The following ATP2C1 variants were observed in gnomAD, a reference collection of about 807,000 sequenced individuals.
ATP2C1 encodes the protein ATPase secretory pathway Ca2+ transporting 1.
A neutral mutation model predicts 120.5 loss-of-function variants in ATP2C1; 31 were observed. The observed-to-expected ratio is 0.26, with a 90% CI of 0.19 to 0.35. The LOEUF is 0.35. Ranked by LOEUF, ATP2C1 falls within the 10% of genes least tolerant of loss-of-function variation. The probability of loss-of-function intolerance (pLI) is 1.00; values close to 1 mark genes in which losing one functional copy is unlikely to be tolerated. For missense variants in ATP2C1, 731 were observed against 1,107.5 expected (o/e 0.66, Z 4.83); for synonymous variants, 351 against 358.7 (o/e 0.98, Z 0.24).
chr3:130,895,195 T>C (rs2069494477), intron 2 of ATP2C1, among the ~76,000 whole-genome samples: 1 of 152,178 alleles, frequency 6.6e-6, no homozygotes, highest in Non-Finnish European at 1.5e-5. Context: ...AGGATTCATT[T>C]ATAAGAAAGC....
intron 8 of ATP2C1, among the ~76,000 whole-genome samples, chr3:130,944,831 A>G (rs1559956743): frequency 6.6e-6 from 1 of 152,228 alleles, no homozygotes; most frequent in East Asian, 1.9e-4. Flanking sequence ...AGATCCACAG[A>G]GAGCAAAATC....
intron 6 of ATP2C1, 67 bp from the exon 7 acceptor site, chr3:130,940,560 AGAT>A (rs2059847726): frequency 1.0e-6 from 1 of 996,730 alleles, no homozygotes; most frequent in Non-Finnish European, 1.6e-6. Flanking sequence ...ATAATGATTG[AGAT>A]TAATAAGTCT....
intron 1 of ATP2C1, among the ~76,000 whole-genome samples, chr3:130,856,580 A>C (rs1007518455): frequency 2.0e-5 from 3 of 152,252 alleles, no homozygotes; most frequent in Non-Finnish European, 2.9e-5. Context: ...ATGAAATGCT[A>C]TCCATTGTCA....
intron 8 of ATP2C1, among the ~76,000 whole-genome samples, chr3:130,952,691 G>C (rs890674083): frequency 1.3e-5 from 2 of 152,178 alleles, no homozygotes; most frequent in Non-Finnish European, 2.9e-5. Flanking sequence ...TTGGGTGAAT[G>C]AATGAGCCTG....
intron 5 of ATP2C1, among the ~76,000 whole-genome samples, chr3:130,936,502 T>A (rs1441813401): frequency 6.6e-6 from 1 of 152,116 alleles, no homozygotes; most frequent in Non-Finnish European, 1.5e-5. Flanking sequence ...CACAATCATC[T>A]GAAAAAGCTG....
At chr3:130,958,146 G>A (rs1030656043) in intron 11 of ATP2C1, among the ~76,000 whole-genome samples, 2 of 151,878 alleles carry the variant, frequency 1.3e-5, no homozygotes, top group African/African-American at 4.8e-5. Context: ...TCAACTTTAC[G>A]ATCTCTGGTT....
intron 2 of ATP2C1, among the ~76,000 whole-genome samples, chr3:130,926,225 C>G (rs529434339): frequency 1.4e-4 from 22 of 152,262 alleles, no homozygotes; most frequent in African/African-American, 5.3e-4. Context: ...ACATGTTGCT[C>G]TGTCTGTCAG....
intron 2 of ATP2C1, among the ~76,000 whole-genome samples, chr3:130,921,976 A>G (rs1011464517): frequency 6.6e-6 from 1 of 152,158 alleles, no homozygotes; most frequent in East Asian, 1.9e-4. Flanking sequence ...TACTGGCTTC[A>G]TAGAATGATT....
intron 2 of ATP2C1, among the ~76,000 whole-genome samples, chr3:130,898,288 G>C (rs1428419937): frequency 2.0e-5 from 3 of 152,126 alleles, no homozygotes; most frequent in Non-Finnish European, 4.4e-5. Flanking sequence ...GAAAATGGTT[G>C]TATTTACACT....
chr3:130,952,408 A>G (rs1048093405), intron 8 of ATP2C1, among the ~76,000 whole-genome samples: 2 of 152,184 alleles, frequency 1.3e-5, no homozygotes, highest in Admixed American at 1.3e-4. Context: ...AATTTTTAAT[A>G]ATCATTTTAC....
intron 2 of ATP2C1, among the ~76,000 whole-genome samples, chr3:130,913,273 AAAG>A (rs2058529097): frequency 6.6e-6 from 1 of 152,006 alleles, no homozygotes; most frequent in Non-Finnish European, 1.5e-5. Flanking sequence ...TAAAAAAAAA[AAAG>A]AATTTTGTTT....
At chr3:130,943,963 T>C (rs2060029681) in intron 8 of ATP2C1, among the ~76,000 whole-genome samples, 1 of 152,194 alleles carries the variant, frequency 6.6e-6, no homozygotes, top group African/African-American at 2.4e-5. Flanking sequence ...TGGTGATCTT[T>C]GGATAATTTT....
At chr3:130,973,936 G>A (rs1414401474) in intron 17 of ATP2C1, among the ~76,000 whole-genome samples, 1 of 152,064 alleles carries the variant, frequency 6.6e-6, no homozygotes, top group Non-Finnish European at 1.5e-5. Context: ...AAAAAGAAAA[G>A]GGAGACTTAA....
At chr3:130,907,100 A>T (rs2058163208) in intron 2 of ATP2C1, among the ~76,000 whole-genome samples, 1 of 151,988 alleles carries the variant, frequency 6.6e-6, no homozygotes, top group African/African-American at 2.4e-5. Flanking sequence ...ACACACACAC[A>T]CATACGTTTA....
chr3:130,996,902 C>T (rs889726739), intron 24 of ATP2C1, 106 bp downstream of exon 24: 1 of 831,530 alleles, frequency 1.2e-6, no homozygotes. Flanking sequence ...AACTTTGCAG[C>T]AAATGTTTTA....
chr3:131,001,607 T>G lies in ATP2C1; in HGVS notation c.*257T>G. ...TTTATAAAGCATATGGTCAGTTATT[T>G]AATTAAAAAGGCAAAACCTGAACCA... On this transcript the variant is annotated 3_prime_UTR_variant, in exon 28 of 28. Transcript: ENST00000510168. 1 of 1,138,230 alleles carries G rather than the reference T, an allele frequency of 8.8e-7. No individual in the cohort carries two copies. The highest frequency in any genetic ancestry group is 1.1e-6 in the Non-Finnish European group (1 of 922,832). 70.5% of individuals were successfully genotyped at this position (1,138,230 alleles called of 1,614,324 possible).
At chr3:130,912,894 A>G (rs1429669077) in intron 2 of ATP2C1, among the ~76,000 whole-genome samples, 2 of 152,210 alleles carry the variant, frequency 1.3e-5, no homozygotes, top group African/African-American at 4.8e-5. Context: ...AAAATGTGGC[A>G]CATATACACC....
At chr3:130,948,413 T>G (rs1328395592) in intron 8 of ATP2C1, among the ~76,000 whole-genome samples, 1 of 151,984 alleles carries the variant, frequency 6.6e-6, no homozygotes, top group East Asian at 1.9e-4. Context: ...TTAGGATTAT[T>G]AATCTTAATG....
rs576738143 is a variant in ATP2C1 at position 130,919,377 on chromosome 3, A to G, written c.7-11039A>G. Among the ~76,000 whole-genome samples the G allele has an allele frequency of 7.2e-5, 11 of 151,948 alleles. 1 individual carries two copies. Among genetic ancestry groups the G allele is most frequent in the African/African-American group, 2.7e-4 (11 of 41,446 alleles). On this transcript the variant is annotated intron_variant, in intron 2 of 27. Transcript: ENST00000510168. ...GTAGTTGGGATTATAGACGCCCACT[A>G]CCACACCCAGCTAATTTTTATAGTA... is the stretch of plus-strand genomic sequence containing the variant.
Sources: gnomAD v4.1 joint callset for allele counts (sites outside exome capture counted in the v4.1 genomes callset) on GRCh38, gnomAD v4.1.1 for gene constraint, MANE v1.5 for transcripts, NCBI Gene and HGNC (gene_info 2026-07-23, HGNC 2026-07-21) for gene names.